Variants in CATSPERG observed in about 807,000 individuals in gnomAD.
The protein encoded by CATSPERG is cation channel sperm-associated auxiliary subunit gamma.
A neutral mutation model predicts 145.0 loss-of-function variants in CATSPERG; 115 were observed. The observed-to-expected ratio is 0.79, with a 90% CI of 0.68 to 0.93. CATSPERG has a LOEUF of 0.93. CATSPERG is among the 40% of genes least tolerant of loss of function. CATSPERG has a pLI of 0.00. For synonymous variants in CATSPERG, 588 were observed against 589.0 expected, an observed-to-expected ratio of 1.00 and a Z score of 0.02; for missense variants, 1,296 against 1,490.1, an observed-to-expected ratio of 0.87 and a Z score of 2.14.
intron 6 of CATSPERG, among the ~76,000 whole-genome samples, 183 bp downstream of exon 6, chr19:38,344,551 T>C (rs995530991): frequency 6.6e-6 from 1 of 151,978 alleles, no homozygotes; most frequent in African/African-American, 2.4e-5. Context: ...TACTCCATTA[T>C]AAAGAGGAGA....
chr19:38,344,048 C>G lies in CATSPERG; in HGVS notation c.525C>G (p.Ile175Met). The G allele has an allele frequency of 6.4e-7, 1 of 1,551,536 alleles. No homozygotes were observed. Among genetic ancestry groups the G allele is most frequent in the Non-Finnish European group, 8.7e-7 (1 of 1,146,944 alleles). The change falls in exon 5 of 29, where the codon ATC becomes ATG. Residue 175 changes from isoleucine (I) to methionine (M), a missense_variant. Transcript: ENST00000409235. ...CSMSWYTPMP[I>M]KKGSVVMRVD... is the part of the protein sequence containing the mutation. ...TGAGCTGGTACACGCCCATGCCCATCAAGAAAGGCAGTGTGGTCATGCGTG... is the reference window on the plus strand; with the variant it reads ...TGAGCTGGTACACGCCCATGCCCATGAAGAAAGGCAGTGTGGTCATGCGTG...
In CATSPERG at chr19:38,337,475, C is replaced by T. The variant is rs1038860436; in HGVS notation, c.241C>T (p.Leu81=). ...VDTVSSLFHM[L]VDSPIDPSEK... The stretch of plus-strand genomic sequence containing the variant: ...CACAGTGAGCAGCTTGTTTCACATG[C>T]TGGTGGACTCACCCATCGACCCGAG... The change falls in exon 2 of 29, where the codon CTG becomes TTG. Residue 81 remains leucine (L), a synonymous_variant. Transcript: ENST00000409235. 2.4e-5 allele frequency: 37 copies of T among 1,552,032 alleles called. No homozygotes were observed. Among genetic ancestry groups the T allele is most frequent in the Non-Finnish European group, 3.1e-5 (36 of 1,147,110 alleles).
intron 7 of CATSPERG, among the ~76,000 whole-genome samples, chr19:38,350,092 A>G (rs1970111479): frequency 6.6e-6 from 1 of 152,170 alleles, no homozygotes; most frequent in Non-Finnish European, 1.5e-5. Flanking sequence ...GGAGGAGCAG[A>G]AGTAGAGGGC....
At chr19:38,346,366 C>T in intron 6 of CATSPERG, 84 bp from the exon 7 acceptor site, 1 of 1,322,826 alleles carries the variant, frequency 7.6e-7, no homozygotes, top group Non-Finnish European at 1.0e-6. Flanking sequence ...CCTTGTGGGT[C>T]CAGGTCAGGC....
chr19:38,355,016 G>C (rs187589806), intron 9 of CATSPERG, among the ~76,000 whole-genome samples, 169 bp downstream of exon 9: 25 of 152,258 alleles, frequency 1.6e-4, no homozygotes, highest in Admixed American at 2.6e-4. Context: ...GGGCTTGGGG[G>C]TATGTTATGT....
In CATSPERG at chr19:38,370,573, C is replaced by T. The variant is rs1179442928; in HGVS notation, c.3261C>T (p.Phe1087=). The change falls in exon 29 of 29, where the codon TTC becomes TTT. Residue 1087 remains phenylalanine, a synonymous_variant. Transcript: ENST00000409235. ...FVGLVIFYIA[F]CLLWPLVVKG... ...GCCTGGTGATCTTCTACATCGCCTT[C>T]TGCCTCCTGTGGCCCCTCGTGGTGA... is the stretch of plus-strand genomic sequence containing the variant. 2 of 1,614,102 alleles carry T rather than the reference C, an allele frequency of 1.2e-6. No individual in the cohort carries two copies. Among genetic ancestry groups the T allele is most frequent in the Admixed American group, 1.7e-5 (1 of 60,002 alleles).
intron 17 of CATSPERG, 168 bp from the exon 18 acceptor site, chr19:38,362,042 G>C (rs931198859): frequency 7.4e-6 from 7 of 945,418 alleles, no homozygotes; most frequent in Non-Finnish European, 1.1e-5. Flanking sequence ...GAAGGCGTTG[G>C]GGGTGTGGCC....
At chr19:38,337,760 C>T in intron 3 of CATSPERG, 114 bp downstream of exon 3, 1 of 1,001,448 alleles carries the variant, frequency 1.0e-6, no homozygotes, top group South Asian at 1.7e-5. Flanking sequence ...GCGCTGTTGC[C>T]CAGACTGGAG....
chr19:38,349,786 T>C (rs1360017086), intron 7 of CATSPERG, among the ~76,000 whole-genome samples: 1 of 152,066 alleles, frequency 6.6e-6, no homozygotes, highest in African/African-American at 2.4e-5. Context: ...TGCCTCAGCC[T>C]CCCGAGGAGC....
In CATSPERG at chr19:38,362,735, G is replaced by A. The variant is rs1970372602; in HGVS notation, c.2378G>A (p.Ser793Asn). ...GCAGGCACCGCCTTCCAGCTGCATA[G>A]CCAGGTGGACGTGGGCGTGGTGCTG... ...SELGTAFQLH[S>N]QVDVGVVLAD... is the part of the protein sequence containing the mutation. The change falls in exon 20 of 29, where the codon AGC (serine) becomes AAC (asparagine). Residue 793 changes from serine to asparagine, a missense_variant. Coordinates refer to ENST00000409235, the MANE Select transcript of CATSPERG (RefSeq NM_021185.5). The A allele has an allele frequency of 1.2e-6, 2 of 1,614,076 alleles. No individual in the cohort carries two copies. Among genetic ancestry groups the A allele is most frequent in the African/African-American group, 2.7e-5 (2 of 74,950 alleles).
At chr19:38,356,302 C>T (rs1264273396) in intron 9 of CATSPERG, among the ~76,000 whole-genome samples, 182 bp from the exon 10 acceptor site, 1 of 152,132 alleles carries the variant, frequency 6.6e-6, no homozygotes, top group Non-Finnish European at 1.5e-5. Flanking sequence ...GACCCACAGT[C>T]TCATGACTGT....
intron 3 of CATSPERG, among the ~76,000 whole-genome samples, chr19:38,338,980 G>A (rs1034109814): frequency 3.3e-5 from 5 of 152,120 alleles, no homozygotes; most frequent in Admixed American, 2.6e-4. Flanking sequence ...GTCCGGCGGA[G>A]TCAAAGGATT....
intron 9 of CATSPERG, among the ~76,000 whole-genome samples, chr19:38,355,255 G>T (rs1970223160): frequency 6.6e-6 from 1 of 152,150 alleles, no homozygotes; most frequent in Non-Finnish European, 1.5e-5. Context: ...TGAGGCAGGA[G>T]AGTCACTTGA....
intron 17 of CATSPERG, 131 bp downstream of exon 17, chr19:38,361,992 G>A (rs568773471): frequency 1.0e-4 from 35 of 347,402 alleles, no homozygotes; most frequent in Admixed American, 4.2e-4. Context: ...GTGGGCGGGG[G>A]ACCTGGGGGC....
intron 25 of CATSPERG, 47 bp from the exon 26 acceptor site, chr19:38,368,001 C>G: frequency 6.4e-7 from 1 of 1,573,686 alleles, no homozygotes; most frequent in African/African-American, 1.3e-5. Flanking sequence ...CATACCTCCC[C>G]TACACCGCCC....
At chr19:38,364,515 G>T (rs1183939953) in intron 20 of CATSPERG, among the ~76,000 whole-genome samples, 1 of 152,150 alleles carries the variant, frequency 6.6e-6, no homozygotes, top group Non-Finnish European at 1.5e-5. Flanking sequence ...CTTCCCAGAC[G>T]GGGTGGCGGC....
intron 9 of CATSPERG, 26 bp downstream of exon 9, chr19:38,354,873 C>T: frequency 6.2e-7 from 1 of 1,610,704 alleles, no homozygotes; most frequent in Non-Finnish European, 8.5e-7. Context: ...TCTGTCAGCC[C>T]CAGGGACCCC....
At chr19:38,365,406 G>A (rs983229002) in intron 22 of CATSPERG, 6 of 342,814 alleles carry the variant, frequency 1.8e-5, no homozygotes, top group Non-Finnish European at 2.2e-5. Flanking sequence ...AAGTAGCTGG[G>A]ATTATAGGCG....
intron 3 of CATSPERG, among the ~76,000 whole-genome samples, chr19:38,339,629 C>G (rs2145059981): frequency 6.6e-6 from 1 of 151,976 alleles, no homozygotes; most frequent in South Asian, 2.1e-4. Context: ...TGGTGAAGCC[C>G]AGTTTATAAA....
Sources: gnomAD v4.1 joint callset for allele counts (sites outside exome capture counted in the v4.1 genomes callset) on GRCh38, gnomAD v4.1.1 for gene constraint, MANE v1.5 for transcripts, NCBI Gene and HGNC (gene_info 2026-07-23, HGNC 2026-07-21) for gene names.